TFEC: variants seen among roughly 807,000 people sequenced by gnomAD.
TFEC encodes the protein class E basic helix-loop-helix protein 34.
In TFEC, 31 loss-of-function variants were observed where a neutral mutation model predicts 41.6. That is an observed-to-expected ratio of 0.74 (90% confidence interval 0.56 to 1.01). The LOEUF (loss-of-function observed/expected upper bound fraction) is 1.01, where lower values mean the gene tolerates loss of function less well. Ranked by LOEUF, TFEC falls within the 50% of genes least tolerant of loss-of-function variation. The pLI is 0.00. For missense variants in TFEC, 402 were observed against 404.1 expected (o/e 0.99, Z 0.04); for synonymous variants, 143 against 140.6 (o/e 1.02, Z -0.12).
chr7:115,945,376 G>A (rs1791476137), intron 6 of TFEC, among the ~76,000 whole-genome samples: 1 of 151,412 alleles, frequency 6.6e-6, no homozygotes, highest in Admixed American at 6.6e-5. Flanking sequence ...TTAGTCCATG[G>A]AGCCAGACCA....
intron 1 of TFEC, among the ~76,000 whole-genome samples, chr7:116,145,414 TG>T (rs775251317): frequency 7.2e-5 from 11 of 152,140 alleles, no homozygotes; most frequent in African/African-American, 1.2e-4. Flanking sequence ...GAAAAATCAC[TG>T]GGTCAGAAGG....
At chr7:116,102,606 TGAA>T (rs1479817360) in intron 3 of TFEC, among the ~76,000 whole-genome samples, 3 of 152,112 alleles carry the variant, frequency 2.0e-5, no homozygotes, top group Non-Finnish European at 1.5e-5. Flanking sequence ...ATAACAAAGA[TGAA>T]GGAGACAGAA....
At chr7:115,976,779 T>A (rs779580163) in intron 2 of TFEC, among the ~76,000 whole-genome samples, 8 of 152,074 alleles carry the variant, frequency 5.3e-5, no homozygotes, top group Non-Finnish European at 1.2e-4. Flanking sequence ...TTATGAGGAG[T>A]GCTTTTCATT....
intron 4 of TFEC, among the ~76,000 whole-genome samples, chr7:115,954,870 C>G (rs1434181894): frequency 2.6e-5 from 4 of 151,954 alleles, no homozygotes; most frequent in Non-Finnish European, 5.9e-5. Flanking sequence ...TATTTTCTGG[C>G]CCTCCATTTA....
intron 1 of TFEC, among the ~76,000 whole-genome samples, chr7:116,004,789 A>G (rs909248832): frequency 3.5e-5 from 5 of 143,032 alleles, no homozygotes; most frequent in Non-Finnish European, 7.6e-5. Context: ...TCCTGGTTGG[A>G]AAAAAAAAAA....
At position 115,940,766 on chromosome 7, in the gene TFEC, C is replaced by T; in HGVS notation, c.829G>A (p.Asp277Asn). 3 of 1,613,494 alleles carry T rather than the reference C, an allele frequency of 1.9e-6. No individual in the cohort carries two copies. Among genetic ancestry groups the T allele is most frequent in the South Asian group, 2.2e-5 (2 of 91,064 alleles). The change falls in exon 8 of 8, where the codon GAT becomes AAT. Residue 277 changes from aspartate (D) to asparagine (N), a missense_variant. Physicochemically the swap from Asp to Asn is conservative, Grantham distance 23 (BLOSUM62 1). Transcript: ENST00000265440. ...GGATCAGAAAAGGCTATAGCTTGAT[C>T]ACAGAGCTCAGGGCTTGGCCCCTGA... Reference protein sequence around the residue: ...VSQGPSPELCDQAIAFSDPLS... With the variant: ...VSQGPSPELCNQAIAFSDPLS...
At chr7:115,944,406 G>A (rs534285944) in intron 6 of TFEC, among the ~76,000 whole-genome samples, 2 of 151,312 alleles carry the variant, frequency 1.3e-5, no homozygotes, top group Non-Finnish European at 1.5e-5. Flanking sequence ...TGTTAACACC[G>A]GTCAAGAGAT....
chr7:116,086,228 C>T (rs1337665683), intron 3 of TFEC, among the ~76,000 whole-genome samples: 1 of 151,776 alleles, frequency 6.6e-6, no homozygotes, highest in Non-Finnish European at 1.5e-5. Flanking sequence ...TGATGCTTAG[C>T]CTCCCAGAAT....
intron 1 of TFEC, among the ~76,000 whole-genome samples, chr7:116,154,071 T>C (rs1440222105): frequency 1.3e-5 from 2 of 152,210 alleles, no homozygotes; most frequent in African/African-American, 2.4e-5. Context: ...CAGCTAACCA[T>C]TGCCTTGAAA....
chr7:116,125,469 G>A lies in TFEC; in HGVS notation c.-68-13431C>T, dbSNP rs867352621. On this transcript the variant is annotated intron_variant, in intron 1 of 8. Transcript: ENST00000484212. ...TTAATCTATCAAACTAAGAATCATCGAAATTTTTGAGCAGCTAAGACCATC... is the reference window on the plus strand; with the variant it reads ...TTAATCTATCAAACTAAGAATCATCAAAATTTTTGAGCAGCTAAGACCATC... Among the ~76,000 whole-genome samples the A allele has an allele frequency of 5.9e-5, 9 of 152,204 alleles. No individual in the cohort carries two copies. In the South Asian group the frequency reaches 8.3e-4, roughly 14 times the overall value.
Position 116,019,255 on chromosome 7 carries a change from T to G in TFEC, c.-73+11378A>C, listed in dbSNP as rs369697817. ...CTTGTTAACTTTTACAACAATTTCA[T>G]CTTTCCCTTCAATTGCTCACTAATT... On this transcript the variant is annotated intron_variant, in intron 1 of 7. Transcript: ENST00000265440. Among the ~76,000 whole-genome samples the G allele has an allele frequency of 1.2e-4, 19 of 152,284 alleles. No homozygotes were observed. The East Asian group carries it at 3.1e-3, about 25-fold the overall frequency.
At chr7:116,082,137 G>A (rs896246489) in intron 3 of TFEC, among the ~76,000 whole-genome samples, 3 of 151,966 alleles carry the variant, frequency 2.0e-5, no homozygotes, top group East Asian at 1.9e-4. Context: ...CTATTACAAC[G>A]CTTCTTATAT....
chr7:116,116,305 G>A (rs1338903151), intron 1 of TFEC, among the ~76,000 whole-genome samples: 1 of 151,878 alleles, frequency 6.6e-6, no homozygotes, highest in Non-Finnish European at 1.5e-5. Context: ...GGACATGATA[G>A]CTGTCTTGAA....
chr7:116,060,831 A>G (rs888365419), intron 3 of TFEC, among the ~76,000 whole-genome samples: 2 of 152,038 alleles, frequency 1.3e-5, no homozygotes, highest in African/African-American at 4.8e-5. Flanking sequence ...CCTATATAAC[A>G]AACCTTCACA....
At chr7:116,136,418 T>C (rs1245213939) in intron 1 of TFEC, among the ~76,000 whole-genome samples, 1 of 152,010 alleles carries the variant, frequency 6.6e-6, no homozygotes, top group African/African-American at 2.4e-5. Flanking sequence ...AACATAGTGC[T>C]AAGATTTCAG....
chr7:115,981,387 G>T (rs887626836), intron 2 of TFEC, among the ~76,000 whole-genome samples: 2 of 151,890 alleles, frequency 1.3e-5, no homozygotes, highest in African/African-American at 4.8e-5. Context: ...CTTTTCTAAT[G>T]GTTCTTCTCA....
chr7:116,110,910 C>G (rs1020403248), exon 3 of TFEC: 1 of 1,512,364 alleles, frequency 6.6e-7, no homozygotes, highest in Non-Finnish European at 8.8e-7. Flanking sequence ...TAACATATTT[C>G]TCTTCTTTTC....
intron 1 of TFEC, among the ~76,000 whole-genome samples, chr7:116,012,720 C>A (rs1449184423): frequency 6.7e-6 from 1 of 148,938 alleles, no homozygotes; most frequent in African/African-American, 2.5e-5. Context: ...TCAGCCTATT[C>A]AGATATTAAA....
At chr7:116,151,023 C>T in intron 1 of TFEC, among the ~76,000 whole-genome samples, 1 of 152,184 alleles carries the variant, frequency 6.6e-6, no homozygotes, top group East Asian at 1.9e-4. Flanking sequence ...TTTATCCAAA[C>T]CACAGTATTC....
Sources: gnomAD v4.1 joint callset for allele counts (sites outside exome capture counted in the v4.1 genomes callset) on GRCh38, gnomAD v4.1.1 for gene constraint, MANE v1.5 for transcripts, NCBI Gene and HGNC (gene_info 2026-07-23, HGNC 2026-07-21) for gene names.